Variants in GLOD4 observed in about 807,000 individuals in gnomAD.
GLOD4 encodes the protein glyoxalase domain containing 4, also known as glyoxalase domain-containing protein 4.
GLOD4 carries 44 observed loss-of-function variants against 39.1 expected under a neutral mutation model. That is an observed-to-expected ratio of 1.13 (90% CI 0.88 to 1.45). GLOD4 has a LOEUF of 1.45. Among genes scored for constraint, GLOD4 ranks in the 40% most tolerant of loss-of-function variants. The probability of loss-of-function intolerance (pLI) is 0.00; values close to 1 mark genes in which losing one functional copy is unlikely to be tolerated. For synonymous variants in GLOD4, 145 were observed against 135.0 expected (o/e 1.07, Z -0.52); for missense variants, 405 against 366.4 (o/e 1.11, Z -0.86).
At chr17:766,978 T>A (rs1380211942) in intron 8 of GLOD4, among the ~76,000 whole-genome samples, 1 of 152,238 alleles carries the variant, frequency 6.6e-6, no homozygotes, top group Non-Finnish European at 1.5e-5. Flanking sequence ...GCTGAGAGGA[T>A]GACAGATTCT....
chr17:772,456 C>A (rs890332766), intron 4 of GLOD4, among the ~76,000 whole-genome samples: 18 of 151,430 alleles, frequency 1.2e-4, no homozygotes, highest in Non-Finnish European at 2.5e-4. Context: ...GAAGAAAAAA[C>A]TTCTGCTACA....
intron 6 of GLOD4, 76 bp from the exon 7 acceptor site, chr17:770,233 G>GT: frequency 1.2e-6 from 1 of 814,904 alleles, no homozygotes; most frequent in South Asian, 1.5e-5. Context: ...TCCTAGAGGA[G>GT]TATCAGATAC....
chr17:769,417 C>A (rs1907500752), intron 8 of GLOD4, among the ~76,000 whole-genome samples: 1 of 149,672 alleles, frequency 6.7e-6, no homozygotes, highest in South Asian at 2.1e-4. Context: ...GGAGGCATCT[C>A]CCTGGCGAGA....
chr17:778,465 C>A (rs531484616), intron 2 of GLOD4: 1 of 593,024 alleles, frequency 1.7e-6, no homozygotes, highest in African/African-American at 1.9e-5. Context: ...GTGTTCCCGA[C>A]GCTCCTGAAG....
At chr17:764,062 A>G (rs949393605) in intron 8 of GLOD4, 2 of 152,264 alleles carry the variant, frequency 1.3e-5, no homozygotes, top group South Asian at 4.1e-4. Context: ...ATTAAAAATT[A>G]TTAAAGAATG....
At chr17:783,244 A>C, upstream of GLOD4, 1 of 1,614,152 alleles carries the variant, frequency 6.2e-7, no homozygotes, top group Non-Finnish European at 8.5e-7. Context: ...CCAGTCGATA[A>C]GCTGAAAGGT....
intron 8 of GLOD4, among the ~76,000 whole-genome samples, chr17:761,516 T>C (rs977800603): frequency 2.0e-5 from 3 of 152,228 alleles, no homozygotes; most frequent in African/African-American, 7.2e-5. Flanking sequence ...GCTTTTTTTC[T>C]TTTTTGAAAT....
In GLOD4 at chr17:778,547, AT is replaced by A. The variant is rs1431845087; in HGVS notation, c.140+147del. On this transcript the variant is annotated intron_variant, in intron 2 of 8. Transcript: ENST00000301329. Reference sequence around the variant, plus strand: ...ACTCATGAGAGTGCAGAGAAACAGTATGTGTTCCCGACGCTCCTGAAGTTGC... The same window carrying A: ...ACTCATGAGAGTGCAGAGAAACAGTAGTGTTCCCGACGCTCCTGAAGTTGC... 9 of 685,338 alleles carry A rather than the reference AT, an allele frequency of 1.3e-5. No homozygotes were observed. The African/African-American group carries it at 1.6e-4, about 12-fold the overall frequency. The allele number at this position is 685,338 out of a possible 1,614,324, so 42.5% of individuals were successfully genotyped here.
chr17:771,028 G>A (rs992026702), intron 5 of GLOD4: 3 of 234,740 alleles, frequency 1.3e-5, no homozygotes, highest in Middle Eastern at 1.4e-3. Context: ...GTGCTCAAAC[G>A]CTGGGTTATT....
At chr17:781,598 G>A (rs77564477) in intron 1 of GLOD4, among the ~76,000 whole-genome samples, 2 of 152,220 alleles carry the variant, frequency 1.3e-5, no homozygotes, top group East Asian at 1.9e-4. Context: ...ATCAAAGGAG[G>A]TCCCCAAAAC....
chr17:769,976 G>A (rs1907640080), intron 7 of GLOD4, 21 bp from the exon 8 acceptor site: 13 of 1,581,272 alleles, frequency 8.2e-6, no homozygotes, highest in Non-Finnish European at 1.1e-5. Flanking sequence ...AAAGAGAAAA[G>A]ACACCTGCCA....
upstream of GLOD4, among the ~76,000 whole-genome samples, chr17:784,652 A>G (rs1910448473): frequency 1.3e-5 from 2 of 152,160 alleles, no homozygotes; most frequent in African/African-American, 4.8e-5. Flanking sequence ...TTATGTTACT[A>G]TATTTTAGAT....
At chr17:775,251 A>G (rs2144418181) in intron 4 of GLOD4, among the ~76,000 whole-genome samples, 1 of 151,604 alleles carries the variant, frequency 6.6e-6, no homozygotes, top group South Asian at 2.1e-4. Flanking sequence ...AGCCGGACTG[A>G]CAGAGTCTCA....
At chr17:777,200 G>C (rs964929990) in intron 2 of GLOD4, 11 of 570,604 alleles carry the variant, frequency 1.9e-5, no homozygotes, top group African/African-American at 3.7e-5. Context: ...GCATCTACCT[G>C]AAGGAAAGAT....
intron 2 of GLOD4, chr17:777,212 T>C: frequency 3.5e-6 from 2 of 565,618 alleles, no homozygotes; most frequent in South Asian, 4.5e-5. Context: ...AGGAAAGATT[T>C]GTTCACCTTT....
chr17:768,263 C>G (rs1907100223), intron 8 of GLOD4, among the ~76,000 whole-genome samples: 1 of 140,430 alleles, frequency 7.1e-6, no homozygotes, highest in African/African-American at 2.7e-5. Context: ...TAGAAGAAAT[C>G]TGGAGAGGAT....
At chr17:770,271 G>C in intron 6 of GLOD4, 114 bp from the exon 7 acceptor site, 1 of 756,992 alleles carries the variant, frequency 1.3e-6, no homozygotes, top group African/African-American at 1.7e-5. Flanking sequence ...CCATTTGTTT[G>C]AATTTATTAT....
upstream of GLOD4, chr17:783,137 CCTG>C (rs1396227840): frequency 6.2e-7 from 1 of 1,613,902 alleles, no homozygotes; most frequent in Non-Finnish European, 8.5e-7. Flanking sequence ...AAGGGAAGAT[CCTG>C]CTGGAAGGTC....
At chr17:760,885 G>A (rs530764128) in intron 8 of GLOD4, among the ~76,000 whole-genome samples, 10 of 152,262 alleles carry the variant, frequency 6.6e-5, no homozygotes, top group East Asian at 3.9e-4. Context: ...TCAGGAATTC[G>A]AGTTCAGCCT....
Sources: allele counts gnomAD v4.1 joint callset (sites outside exome capture counted in the v4.1 genomes callset), GRCh38; gene constraint gnomAD v4.1.1; transcripts MANE v1.5; gene names NCBI Gene and HGNC (gene_info 2026-07-23, HGNC 2026-07-21).